The following USP15 variants were observed in gnomAD, a reference collection of about 807,000 sequenced individuals.
USP15 encodes the protein ubiquitin specific peptidase 15, also known as ubiquitin carboxyl-terminal hydrolase 15.
A neutral mutation model predicts 127.1 loss-of-function variants in USP15; 18 were observed. The ratio of observed to expected loss-of-function variants is 0.14; its 90% CI spans 0.10 to 0.21. USP15 has a LOEUF of 0.21. Ranked by LOEUF, USP15 falls within the 10% of genes least tolerant of loss-of-function variation. The probability of loss-of-function intolerance (pLI) is 1.00; values close to 1 mark genes in which losing one functional copy is unlikely to be tolerated. For synonymous variants in USP15, 364 were observed against 393.7 expected (o/e 0.92, Z 0.89); for missense variants, 805 against 1,159.9 (o/e 0.69, Z 4.44).
At chr12:62,283,756 A>G (rs1297132269) in intron 1 of USP15, among the ~76,000 whole-genome samples, 1 of 152,198 alleles carries the variant, frequency 6.6e-6, no homozygotes, top group African/African-American at 2.4e-5. Context: ...CAGCCTGGCT[A>G]AGATGGCAAA....
chr12:62,299,362 C>T (rs1432845968), intron 2 of USP15, among the ~76,000 whole-genome samples: 2 of 152,188 alleles, frequency 1.3e-5, no homozygotes, highest in Non-Finnish European at 2.9e-5. Context: ...CCATCCGCCT[C>T]AGTCCCCCAA....
chr12:62,373,872 A>G (rs1185005959), intron 8 of USP15, among the ~76,000 whole-genome samples: 1 of 151,946 alleles, frequency 6.6e-6, no homozygotes, highest in Admixed American at 6.6e-5. Context: ...GACTTAAAAT[A>G]TATCATTTTA....
At chr12:62,333,000 AT>A (rs1218829078) in intron 6 of USP15, among the ~76,000 whole-genome samples, 2 of 151,992 alleles carry the variant, frequency 1.3e-5, no homozygotes, top group Non-Finnish European at 2.9e-5. Flanking sequence ...TTCTGTTTTT[AT>A]TTTTTTTACA....
intron 6 of USP15, among the ~76,000 whole-genome samples, chr12:62,347,316 T>C (rs1468517884): frequency 6.6e-6 from 1 of 151,056 alleles, no homozygotes; most frequent in East Asian, 1.9e-4. Context: ...CATATATATA[T>C]GTACACAGAC....
intron 1 of USP15, among the ~76,000 whole-genome samples, chr12:62,287,417 GGTTGCCATT>G (rs1284557115): frequency 2.0e-5 from 3 of 151,894 alleles, no homozygotes; most frequent in African/African-American, 7.3e-5. Context: ...GAGTTTTTTT[GGTTGCCATT>G]GTTGTCATTG....
At chr12:62,337,803 A>G (rs1565867241) in intron 6 of USP15, among the ~76,000 whole-genome samples, 1 of 152,146 alleles carries the variant, frequency 6.6e-6, no homozygotes, top group Non-Finnish European at 1.5e-5. Context: ...CCTGCAAAGG[A>G]CATGAACTCA....
intron 3 of USP15, among the ~76,000 whole-genome samples, chr12:62,304,380 GTTC>G (rs1413478733): frequency 6.6e-6 from 1 of 152,166 alleles, no homozygotes; most frequent in African/African-American, 2.4e-5. Flanking sequence ...ATTGCGTGGA[GTTC>G]TTATTACAGA....
chr12:62,275,775 C>T (rs566938252), intron 1 of USP15, among the ~76,000 whole-genome samples: 6 of 151,982 alleles, frequency 3.9e-5, no homozygotes, highest in South Asian at 2.1e-4. Context: ...TCTACTGATA[C>T]GTAAGGGAAT....
intron 1 of USP15, among the ~76,000 whole-genome samples, chr12:62,283,172 C>A (rs1015456295): frequency 1.3e-5 from 2 of 152,158 alleles, no homozygotes; most frequent in Non-Finnish European, 2.9e-5. Context: ...TAACCCGTTA[C>A]AAACTACTTT....
intron 1 of USP15, 92 bp downstream of exon 1, chr12:62,260,595 T>A: frequency 7.8e-7 from 1 of 1,281,714 alleles, no homozygotes; most frequent in Non-Finnish European, 1.1e-6. Context: ...TAGTGACAGG[T>A]GCGGGCAGGT....
intron 8 of USP15, among the ~76,000 whole-genome samples, chr12:62,364,076 G>A (rs1287518540): frequency 1.3e-5 from 2 of 152,078 alleles, no homozygotes; most frequent in Non-Finnish European, 2.9e-5. Context: ...ATAAAAATCT[G>A]CGTGTCGTAG....
intron 8 of USP15, among the ~76,000 whole-genome samples, chr12:62,379,304 A>G (rs2066919486): frequency 6.6e-6 from 1 of 152,060 alleles, no homozygotes; most frequent in Non-Finnish European, 1.5e-5. Context: ...AAGCTGGAAC[A>G]GTTGAAAAGA....
intron 8 of USP15, among the ~76,000 whole-genome samples, chr12:62,357,335 G>GC (rs2066162509): frequency 6.6e-6 from 1 of 152,042 alleles, no homozygotes; most frequent in African/African-American, 2.4e-5. Flanking sequence ...CTTTTAACCA[G>GC]CTAGGTTAAG....
In USP15 at chr12:62,387,104, G is replaced by A. The variant is rs139689264; in HGVS notation, c.1474-2327G>A. On this transcript the variant is annotated intron_variant, in intron 11 of 21. Coordinates refer to ENST00000280377, the MANE Select transcript of USP15 (RefSeq NM_001252078.2). ...CTAACATGACCCAAACCTGTGTTTA[G>A]TATTGGATATGCTGACTTACAGATG... 6.2e-3 allele frequency among the ~76,000 whole-genome samples: 950 copies of A among 152,294 alleles called. 11 individuals are homozygous for A. The highest frequency in any genetic ancestry group is 0.021 in the African/African-American group (889 of 41,568).
intron 21 of USP15, among the ~76,000 whole-genome samples, chr12:62,402,971 T>A (rs2067742980): frequency 6.6e-6 from 1 of 152,048 alleles, no homozygotes; most frequent in Non-Finnish European, 1.5e-5. Context: ...AGAATTAATA[T>A]AACTTGATAA....
intron 4 of USP15, among the ~76,000 whole-genome samples, chr12:62,321,195 A>G (rs576713062): frequency 6.6e-6 from 1 of 152,256 alleles, no homozygotes; most frequent in South Asian, 2.1e-4. Flanking sequence ...TGTGTAGCAT[A>G]AATTGTATTT....
intron 4 of USP15, among the ~76,000 whole-genome samples, chr12:62,317,713 C>A (rs944845451): frequency 2.6e-5 from 4 of 152,102 alleles, no homozygotes; most frequent in Admixed American, 6.5e-5. Flanking sequence ...TGTCTGTTTT[C>A]TCTTGTTACC....
At chr12:62,273,290 C>G (rs528772092) in intron 1 of USP15, among the ~76,000 whole-genome samples, 2 of 152,088 alleles carry the variant, frequency 1.3e-5, no homozygotes, top group East Asian at 1.9e-4. Flanking sequence ...TTTCATAGCT[C>G]CCTGTACGTT....
At chr12:62,389,061 G>C (rs991128277) in intron 11 of USP15, among the ~76,000 whole-genome samples, 1 of 138,204 alleles carries the variant, frequency 7.2e-6, no homozygotes. Flanking sequence ...GGAGGTTGAG[G>C]CTGCGGTGAG....
Sources: gnomAD v4.1 joint callset for allele counts (sites outside exome capture counted in the v4.1 genomes callset) on GRCh38, gnomAD v4.1.1 for gene constraint, MANE v1.5 for transcripts, NCBI Gene and HGNC (gene_info 2026-07-23, HGNC 2026-07-21) for gene names.